The following RGS6 variants were observed in gnomAD, a reference collection of about 807,000 sequenced individuals.
RGS6 encodes the protein regulator of G-protein signaling 6.
RGS6 carries 30 observed loss-of-function variants against 78.5 expected under a neutral mutation model. The observed-to-expected ratio is 0.38, with a 90% CI of 0.29 to 0.52. The LOEUF is 0.52. Ranked by LOEUF, RGS6 falls within the 20% of genes least tolerant of loss-of-function variation. The probability of loss-of-function intolerance (pLI) is 0.85; values close to 1 mark genes in which losing one functional copy is unlikely to be tolerated. For synonymous variants in RGS6, 206 were observed against 206.0 expected (o/e 1.00, Z 0.00); for missense variants, 495 against 609.7 (o/e 0.81, Z 1.98).
intron 15 of RGS6, among the ~76,000 whole-genome samples, chr14:72,522,760 G>A (rs1208277121): frequency 6.6e-6 from 1 of 152,180 alleles, no homozygotes; most frequent in Non-Finnish European, 1.5e-5. Flanking sequence ...TCACAGGTCT[G>A]TATCTGTAGA....
At chr14:72,316,412 G>A (rs1236190300) in intron 2 of RGS6, among the ~76,000 whole-genome samples, 1 of 152,082 alleles carries the variant, frequency 6.6e-6, no homozygotes, top group African/African-American at 2.4e-5. Context: ...ACAGGCCCCA[G>A]TGTGTGATGT....
chr14:71,937,297 C>A lies in RGS6; in HGVS notation c.-21+4356C>A, dbSNP rs766490558. The stretch of plus-strand genomic sequence containing the variant: ...GTGTTCCTCCCTCTGGAACTAAGAT[C>A]TCTAGGCCAGCAGAAGGTAATGTCT... On this transcript the variant is annotated intron_variant, in intron 1 of 17. Transcript: ENST00000553525. Among the ~76,000 whole-genome samples, 21 of 152,130 alleles carry A rather than the reference C, an allele frequency of 1.4e-4. 1 individual carries two copies. Among genetic ancestry groups the A allele is most frequent in the Non-Finnish European group, 2.5e-4 (17 of 68,030 alleles).
chr14:72,510,104 GC>G, intron 13 of RGS6, 49 bp from the exon 14 acceptor site: 1 of 1,528,360 alleles, frequency 6.5e-7, no homozygotes, highest in South Asian at 1.3e-5. Context: ...TATGACACGA[GC>G]TTTTCTCTGG....
intron 2 of RGS6, among the ~76,000 whole-genome samples, chr14:72,279,859 C>G (rs886899319): frequency 2.6e-5 from 4 of 152,112 alleles, no homozygotes; most frequent in African/African-American, 9.7e-5. Flanking sequence ...AGCAAAAGAA[C>G]TGAATAGCTA....
intron 2 of RGS6, among the ~76,000 whole-genome samples, chr14:72,283,319 G>A (rs1385876554): frequency 6.6e-6 from 1 of 152,130 alleles, no homozygotes; most frequent in East Asian, 1.9e-4. Context: ...TCATATGATA[G>A]TGCTATTTTT....
Position 71,973,417 on chromosome 14 carries a change from G to A in RGS6, c.84+8542G>A, listed in dbSNP as rs76033171. On this transcript the variant is annotated intron_variant, in intron 2 of 17. Coordinates refer to ENST00000553525, the MANE Select transcript of RGS6 (RefSeq NM_001204424.2). ...ATAAAATTCCTGGCCACATGCAGTG[G>A]CTCATGCCTGTAATCCCAGCACTTT... Among the ~76,000 whole-genome samples the A allele has an allele frequency of 1.8e-4, 28 of 151,476 alleles. No homozygotes were observed. The East Asian group carries it at 3.5e-3, about 19-fold the overall frequency.
chr14:71,974,630 A>G (rs1431226457), intron 2 of RGS6, among the ~76,000 whole-genome samples: 2 of 152,142 alleles, frequency 1.3e-5, no homozygotes, highest in African/African-American at 2.4e-5. Flanking sequence ...GGTTAGGGAG[A>G]ATATTCTTTA....
At chr14:72,524,739 T>G (rs2097097448) in intron 15 of RGS6, among the ~76,000 whole-genome samples, 1 of 152,196 alleles carries the variant, frequency 6.6e-6, no homozygotes, top group African/African-American at 2.4e-5. Flanking sequence ...GCTTTTTTTT[T>G]GCCATCAGGC....
At chr14:72,494,330 A>G (rs901078432) in intron 12 of RGS6, among the ~76,000 whole-genome samples, 1 of 152,272 alleles carries the variant, frequency 6.6e-6, no homozygotes, top group African/African-American at 2.4e-5. Context: ...AAAAGGAGGG[A>G]GTTGAGGACT....
chr14:72,600,137 G>A, the RGS6 span, among the ~76,000 whole-genome samples: 2 of 151,510 alleles, frequency 1.3e-5, no homozygotes, highest in Non-Finnish European at 2.9e-5. Flanking sequence ...TACACACACA[G>A]AGAGAGTCAA....
the RGS6 span, chr14:72,620,053 C>G: frequency 1.4e-6 from 2 of 1,437,156 alleles, no homozygotes; most frequent in African/African-American, 2.8e-5. Flanking sequence ...CTGGCCCCCG[C>G]TTACCCATCA....
At chr14:72,137,995 C>T (rs1242256241) in intron 2 of RGS6, among the ~76,000 whole-genome samples, 4 of 152,080 alleles carry the variant, frequency 2.6e-5, no homozygotes, top group African/African-American at 9.7e-5. Context: ...TATCCAGGAG[C>T]CCCCAGCCAC....
the RGS6 span, among the ~76,000 whole-genome samples, chr14:72,597,738 T>C: frequency 0.84 from 128,364 of 152,080 alleles, 54,768 homozygotes; most frequent in Non-Finnish European, 0.92. Context: ...TGACGGACAT[T>C]GGACTCAGTC....
At chr14:72,221,191 A>G (rs1417773809) in intron 2 of RGS6, among the ~76,000 whole-genome samples, 3 of 152,216 alleles carry the variant, frequency 2.0e-5, no homozygotes, top group Non-Finnish European at 2.9e-5. Context: ...TGCCACTGCT[A>G]TTGCAATTTT....
At chr14:71,904,218 A>C in the RGS6 span, among the ~76,000 whole-genome samples, 1 of 152,136 alleles carries the variant, frequency 6.6e-6, no homozygotes, top group Admixed American at 6.6e-5. Flanking sequence ...CTGTGCTTTG[A>C]ATAAATGGAG....
intron 3 of RGS6, among the ~76,000 whole-genome samples, chr14:72,367,859 T>C (rs1250806457): frequency 6.6e-6 from 1 of 152,238 alleles, no homozygotes. Context: ...TTCTCACCTG[T>C]TAATTGATAG....
intron 3 of RGS6, among the ~76,000 whole-genome samples, chr14:72,442,956 G>A (rs191955960): frequency 2.0e-5 from 3 of 152,310 alleles, no homozygotes; most frequent in Admixed American, 1.3e-4. Context: ...AGAAAGGATG[G>A]GCTCATCTAT....
At chr14:72,187,009 G>A (rs1387213012) in intron 2 of RGS6, among the ~76,000 whole-genome samples, 2 of 152,126 alleles carry the variant, frequency 1.3e-5, no homozygotes, top group African/African-American at 4.8e-5. Flanking sequence ...TCAAAAAATG[G>A]CCATTTAGAC....
At chr14:72,317,388 G>T (rs980171324) in intron 2 of RGS6, among the ~76,000 whole-genome samples, 2 of 152,100 alleles carry the variant, frequency 1.3e-5, no homozygotes, top group African/African-American at 4.8e-5. Context: ...TCTCACACCA[G>T]TGTCCTTCCA....
Sources: gnomAD v4.1 joint callset for allele counts (sites outside exome capture counted in the v4.1 genomes callset) on GRCh38, gnomAD v4.1.1 for gene constraint, MANE v1.5 for transcripts, NCBI Gene and HGNC (gene_info 2026-07-23, HGNC 2026-07-21) for gene names.